The following AKAP17A variants were observed in gnomAD, a reference collection of about 807,000 sequenced individuals.
AKAP17A encodes the protein A-kinase anchoring protein 17A.
A neutral mutation model predicts 52.2 loss-of-function variants in AKAP17A; 15 were observed. The ratio of observed to expected loss-of-function variants is 0.29; its 90% confidence interval spans 0.19 to 0.44. AKAP17A has a LOEUF of 0.44. Among genes scored for constraint, AKAP17A ranks in the 20% least tolerant of loss-of-function variants. AKAP17A has a pLI of 1.00. For synonymous variants in AKAP17A, 514 were observed against 424.7 expected (o/e 1.21, Z -2.58); for missense variants, 1,060 against 1,007.0 (o/e 1.05, Z -0.71).
At position 1,601,194 on chromosome X, in the gene AKAP17A, G is replaced by C. The variant is rs148180396; in HGVS notation, c.1688G>C (p.Cys563Ser). 2 of 1,613,950 alleles carry C rather than the reference G, an allele frequency of 1.2e-6. No homozygotes were observed. The highest frequency in any genetic ancestry group is 1.7e-6 in the Non-Finnish European group (2 of 1,179,822). ...CAACAGCCCAAGGGCATCCCTGCCT[G>C]CGAGCAGAATGTCTCCAGAAAGGAC... ...NNQQPKGIPA[C>S]EQNVSRKDTR... The change falls in exon 5 of 5, where the codon TGC (cysteine) becomes TCC (serine). Residue 563 changes from cysteine (C) to serine (S), a missense_variant. Transcript: ENST00000313871.
chrX:1,601,489 G>A lies in AKAP17A; in HGVS notation c.1983G>A (p.Arg661=). 6.4e-7 allele frequency: 1 copy of A among 1,551,832 alleles called. No homozygotes were observed. The highest frequency in any genetic ancestry group is 8.6e-7 in the Non-Finnish European group (1 of 1,157,796). The change falls in exon 5 of 5, where the codon CGG becomes CGA. Residue 661 remains arginine, a synonymous_variant. Coordinates refer to ENST00000313871, the MANE Select transcript of AKAP17A (RefSeq NM_005088.3). ...SKDRHRRERS[R]ERRGSASRKH... is the part of the protein sequence containing the mutation. Reference sequence around the variant, plus strand: ...ACAGGCACCGGAGGGAGCGGAGCCGGGAGCGGAGGGGCAGCGCCAGCAGGA... The same window carrying A: ...ACAGGCACCGGAGGGAGCGGAGCCGAGAGCGGAGGGGCAGCGCCAGCAGGA...
At position 1,601,391 on chromosome X, in the gene AKAP17A, T is replaced by C; in HGVS notation, c.1885T>C (p.Tyr629His). 1.3e-6 allele frequency: 2 copies of C among 1,567,462 alleles called. No homozygotes were observed. The highest frequency in any genetic ancestry group is 1.7e-6 in the Non-Finnish European group (2 of 1,163,804). ...KERRPHKKHA[Y>H]KDDSPRRRST... ...GCGGCGGCCCCACAAGAAGCACGCC[T>C]ACAAGGATGACAGCCCCCGCCGGCG... The change falls in exon 5 of 5, where the codon TAC (tyrosine) becomes CAC (histidine). Residue 629 changes from tyrosine to histidine, a missense_variant. Physicochemically the swap from Tyr to His is moderately conservative, Grantham distance 83 (BLOSUM62 2). This residue lies in a region of AKAP17A where 793 missense variants were observed against 629.9 expected (regional missense o/e 1.26). Transcript: ENST00000313871.
chrX:1,597,797 C>T (rs1933088849), intron 3 of AKAP17A, among the ~76,000 whole-genome samples: 2 of 152,050 alleles, frequency 1.3e-5, no homozygotes, highest in African/African-American at 2.4e-5. Context: ...ACCCCGTCTG[C>T]CTGGCCAGAC....
At chrX:1,596,552 C>CGCTGT (rs1932995778) in intron 3 of AKAP17A, among the ~76,000 whole-genome samples, 1 of 121,096 alleles carries the variant, frequency 8.3e-6, no homozygotes, top group Non-Finnish European at 1.6e-5. Flanking sequence ...CCATCCCTCC[C>CGCTGT]ACCCTCCTAG....
chrX:1,599,862 G>A (rs1281509066), intron 4 of AKAP17A: 8 of 588,068 alleles, frequency 1.4e-5, no homozygotes, highest in Non-Finnish European at 2.1e-5. Flanking sequence ...AGGGCTGAGC[G>A]CACAGAGGGG....
At chrX:1,598,612 C>T (rs1282442514) in intron 3 of AKAP17A, among the ~76,000 whole-genome samples, 2 of 152,108 alleles carry the variant, frequency 1.3e-5, no homozygotes, top group Admixed American at 6.5e-5. Context: ...CTGGGGACCG[C>T]GCCCCTCCCC....
At chrX:1,597,168 A>C (rs1361082771) in intron 3 of AKAP17A, among the ~76,000 whole-genome samples, 6 of 151,520 alleles carry the variant, frequency 4.0e-5, no homozygotes, top group Non-Finnish European at 8.8e-5. Context: ...TGTTTGCACG[A>C]GAGTCCCGGC....
At position 1,600,976 on chromosome X, in the gene AKAP17A, G is replaced by T; in HGVS notation, c.1470G>T (p.Gln490His). ...CCACGCTGCACCCCCTCGGGGGCCA[G>T]CCCCCGGCCGGTGCCCCCAAGGAGA... ...SATTLHPLGG[Q>H]PPAGAPKESP... The change falls in exon 5 of 5, where the codon CAG (glutamine) becomes CAT (histidine). Residue 490 changes from glutamine (Q) to histidine (H), a missense_variant. By Grantham distance (24) the Gln-to-His change is conservative (BLOSUM62 0). This residue lies in a region of AKAP17A where 793 missense variants were observed against 629.9 expected (regional missense o/e 1.26). Transcript: ENST00000313871. 6.3e-7 allele frequency: 1 copy of T among 1,593,696 alleles called. No individual in the cohort carries two copies. Among genetic ancestry groups the T allele is most frequent in the Non-Finnish European group, 8.5e-7 (1 of 1,171,702 alleles).
chrX:1,595,637 C>A, intron 3 of AKAP17A, 105 bp downstream of exon 3: 1 of 1,514,030 alleles, frequency 6.6e-7, no homozygotes, highest in Non-Finnish European at 9.1e-7. Flanking sequence ...TGTGTGTGTG[C>A]ATGCATGCTT....
chrX:1,596,631 C>G (rs1933001521), intron 3 of AKAP17A, among the ~76,000 whole-genome samples: 1 of 113,790 alleles, frequency 8.8e-6, no homozygotes, highest in African/African-American at 4.1e-5. Context: ...CCTCCTCCTC[C>G]TCCTCCATCC....
At chrX:1,594,287 G>A in intron 2 of AKAP17A, 63 bp downstream of exon 2, 1 of 1,490,314 alleles carries the variant, frequency 6.7e-7, no homozygotes, top group Non-Finnish European at 8.9e-7. Context: ...TTCCAGCAGG[G>A]TCAGCAGAAC....
chrX:1,601,890 CAG>C lies in AKAP17A; in HGVS notation c.*297_*298del. ...CAGTCAGGAAAATTGCACAGACCGA[CAG>C]TCGTGAGGATGGCAGAGCTGCTGCA... On this transcript the variant is annotated 3_prime_UTR_variant, in exon 5 of 5. Transcript: ENST00000313871. 2.8e-6 allele frequency: 1 copy of C among 356,914 alleles called. No homozygotes were observed. The highest frequency in any genetic ancestry group is 4.1e-5 in the East Asian group (1 of 24,170). 22.1% of individuals were successfully genotyped at this position (356,914 alleles called of 1,614,324 possible).
Position 1,595,552 on chromosome X carries a change from G to T in AKAP17A, c.911+20G>T. ...GGAAAGGTACCTTCTGCGGGAGCGGGCCCTCGGCGCTGGTGTCCGGCACCT... is the reference window on the plus strand; with the variant it reads ...GGAAAGGTACCTTCTGCGGGAGCGGTCCCTCGGCGCTGGTGTCCGGCACCT... On this transcript the variant is annotated intron_variant, in intron 3 of 4. Transcript: ENST00000313871. 1 of 1,613,124 alleles carries T rather than the reference G, an allele frequency of 6.2e-7. No individual in the cohort carries two copies. The highest frequency in any genetic ancestry group is 1.7e-5 in the Admixed American group (1 of 60,012).
intron 2 of AKAP17A, 106 bp from the exon 3 acceptor site, chrX:1,595,278 C>A: frequency 6.6e-7 from 1 of 1,504,720 alleles, no homozygotes; most frequent in South Asian, 1.3e-5. Context: ...TGAGCGGGCG[C>A]TCAGGCTCTG....
At chrX:1,598,326 G>T (rs1483498753) in intron 3 of AKAP17A, among the ~76,000 whole-genome samples, 1 of 152,174 alleles carries the variant, frequency 6.6e-6, no homozygotes, top group South Asian at 2.1e-4. Context: ...GTGGCAGAGC[G>T]TGGGATGCCT....
At chrX:1,598,306 CCTT>C (rs1439806576) in intron 3 of AKAP17A, among the ~76,000 whole-genome samples, 3 of 152,176 alleles carry the variant, frequency 2.0e-5, no homozygotes, top group Non-Finnish European at 4.4e-5. Flanking sequence ...GGCCCGGCCC[CCTT>C]CTTGGGGTGG....
intron 1 of AKAP17A, among the ~76,000 whole-genome samples, chrX:1,592,080 C>T (rs1331297823): frequency 3.3e-5 from 5 of 150,172 alleles, no homozygotes; most frequent in Non-Finnish European, 7.4e-5. Flanking sequence ...GCTGGGAGCT[C>T]GGGGGATCGG....
At chrX:1,598,874 G>A (rs183705843) in intron 3 of AKAP17A, among the ~76,000 whole-genome samples, 18 of 152,288 alleles carry the variant, frequency 1.2e-4, no homozygotes, top group South Asian at 4.1e-4. Context: ...TCACCCGTCC[G>A]TCTGCCCATC....
rs772716364 is a variant in AKAP17A at position 1,599,322 on chromosome X, G to C, written c.1042G>C (p.Glu348Gln). The C allele has an allele frequency of 1.9e-6, 3 of 1,606,872 alleles. No individual in the cohort carries two copies. The highest frequency in any genetic ancestry group is 1.1e-5 in the South Asian group (1 of 90,236). The change falls in exon 4 of 5, where the codon GAG becomes CAG. Residue 348 changes from glutamate (E) to glutamine (Q), a missense_variant. Glu to Gln is a conservative substitution (Grantham distance 29, BLOSUM62 2). Coordinates refer to ENST00000313871, the MANE Select transcript of AKAP17A (RefSeq NM_005088.3). ...QKKLEKLQAEEQKQLQEKIKL... is the reference protein window; with the variant it reads ...QKKLEKLQAEQQKQLQEKIKL... ...GAAGCTGGAGAAGCTGCAGGCGGAG[G>C]AGCAGAAGCAGCTGCAGGAGAAGAT...
Sources: allele counts gnomAD v4.1 joint callset (sites outside exome capture counted in the v4.1 genomes callset), GRCh38; gene constraint gnomAD v4.1.1; regional missense constraint gnomAD v4.1.1; transcripts MANE v1.5; gene names NCBI Gene and HGNC (gene_info 2026-07-23, HGNC 2026-07-21).